Variants in MVP observed in about 807,000 individuals in gnomAD.
The protein encoded by MVP is major vault protein.
In MVP, 62 loss-of-function variants were observed where a neutral mutation model predicts 83.5. The observed-to-expected ratio is 0.74, with a 90% CI of 0.61 to 0.92. The LOEUF is 0.92. Among genes scored for constraint, MVP ranks in the 40% least tolerant of loss-of-function variants. MVP has a pLI of 0.00. For missense variants in MVP, 1,000 were observed against 1,203.4 expected (o/e 0.83, Z 2.50); for synonymous variants, 505 against 504.1 (o/e 1.00, Z -0.02).
Position 29,840,439 on chromosome 16 carries a change from C to G in MVP, c.1171C>G (p.Gln391Glu). ...AGACGAGAACGAGGGCATCTATGTG[C>G]AGGATGTCAAGACCGGAAAGGTAAT... ...PLDENEGIYV[Q>E]DVKTGKVRAV... Residue 391 changes from glutamine to glutamate, a missense_variant, in exon 8 of 15, where the codon CAG (glutamine) becomes GAG (glutamate). Gln to Glu is a conservative substitution (Grantham distance 29, BLOSUM62 2). Transcript: ENST00000357402. 1 of 1,574,360 alleles carries G rather than the reference C, an allele frequency of 6.4e-7. No individual in the cohort carries two copies. The highest frequency in any genetic ancestry group is 8.6e-7 in the Non-Finnish European group (1 of 1,160,022).
At chr16:29,831,616 G>T in intron 3 of MVP, 1 of 456,196 alleles carries the variant, frequency 2.2e-6, no homozygotes, top group Non-Finnish European at 4.4e-6. Context: ...TCTTTTCTGA[G>T]AACTGTTGGC....
At position 29,840,458 on chromosome 16, in the gene MVP, A is replaced by C; in HGVS notation, c.1190A>C (p.Lys397Thr). The C allele has an allele frequency of 6.4e-7, 1 of 1,566,330 alleles. No individual in the cohort carries two copies. The highest frequency in any genetic ancestry group is 8.7e-7 in the Non-Finnish European group (1 of 1,154,842). Residue 397 changes from lysine to threonine, a missense_variant and splice_region_variant, in exon 8 of 15, where the codon AAG (lysine) becomes ACG (threonine). Lys to Thr is a moderately conservative substitution (Grantham distance 78). Transcript: ENST00000357402. ...GIYVQDVKTG[K>T]VRAVIGSTYM... is the part of the protein sequence containing the mutation. ...TATGTGCAGGATGTCAAGACCGGAA[A>C]GGTAATGGCTGGGAGTGAGCAGCAG... is the stretch of plus-strand genomic sequence containing the variant.
intron 1 of MVP, among the ~76,000 whole-genome samples, chr16:29,828,531 C>T (rs1046789547): frequency 6.6e-6 from 1 of 152,080 alleles, no homozygotes; most frequent in Non-Finnish European, 1.5e-5. Context: ...AGGTACCCGC[C>T]ACCACAACTG....
chr16:29,840,707 C>G (rs1349825228), intron 8 of MVP, among the ~76,000 whole-genome samples: 2 of 152,028 alleles, frequency 1.3e-5, no homozygotes, highest in African/African-American at 4.8e-5. Flanking sequence ...TTTGGGAGGC[C>G]GAGGCGGGCG....
At chr16:29,831,981 C>A (rs2067447021) in intron 3 of MVP, among the ~76,000 whole-genome samples, 1 of 152,068 alleles carries the variant, frequency 6.6e-6, no homozygotes, top group South Asian at 2.1e-4. Context: ...GGGGTTTCAC[C>A]GTGTTAGCCA....
chr16:29,834,852 A>ATTTTTTTTTTTTTTTTTTTTTTT (rs60147985), intron 5 of MVP: 1 of 126,516 alleles, frequency 7.9e-6, no homozygotes, highest in Non-Finnish European at 1.6e-5. Flanking sequence ...TGCCCAGCTA[A>ATTTTTTTTTTTTTTTTTTTTTTT]TTTTTTTTTT....
At chr16:29,834,924 G>A (rs1488709311) in intron 5 of MVP, 2 of 146,082 alleles carry the variant, frequency 1.4e-5, no homozygotes, top group Admixed American at 1.4e-4. Flanking sequence ...TAGCCAGGGT[G>A]GTCTTGATCT....
rs1567391922 is a variant in MVP at position 29,836,707 on chromosome 16, C to T, written c.673-15C>T. The stretch of plus-strand genomic sequence containing the variant: ...GGAGGCAGGTCACTCAAATACCCAA[C>T]ATGTTGCTCTGCAGACAGCCCTGCA... On this transcript the variant is annotated splice_polypyrimidine_tract_variant and intron_variant, in intron 6 of 14. Coordinates refer to ENST00000357402, the MANE Select transcript of MVP (RefSeq NM_005115.5). The T allele has an allele frequency of 1.3e-6, 2 of 1,539,806 alleles. No individual in the cohort carries two copies. The highest frequency in any genetic ancestry group is 8.8e-7 in the Non-Finnish European group (1 of 1,137,906).
intron 12 of MVP, 31 bp from the exon 13 acceptor site, chr16:29,846,127 C>T (rs750401949): frequency 7.2e-5 from 115 of 1,601,724 alleles, no homozygotes; most frequent in Middle Eastern, 3.8e-4. Flanking sequence ...GGCTGTCTCC[C>T]GGGTCTTACC....
At chr16:29,835,666 G>A in intron 5 of MVP, 38 bp from the exon 6 acceptor site, 1 of 1,570,390 alleles carries the variant, frequency 6.4e-7, no homozygotes, top group Non-Finnish European at 8.7e-7. Flanking sequence ...GGAGCAGGCT[G>A]GGGGGCCCTT....
At chr16:29,836,267 C>CA (rs989574046) in intron 6 of MVP, among the ~76,000 whole-genome samples, 2,012 of 54,902 alleles carry the variant, frequency 0.037, 16 homozygotes, top group Middle Eastern at 0.069. Context: ...AACCCTGTCT[C>CA]AAAAAAAAAA....
chr16:29,840,024 C>T, intron 7 of MVP, 154 bp from the exon 8 acceptor site: 1 of 688,444 alleles, frequency 1.5e-6, no homozygotes, highest in South Asian at 2.1e-5. Context: ...ACAGTCCAGA[C>T]AGTGCCTCAC....
chr16:29,835,178 A>T (rs1238081063), intron 5 of MVP: 1 of 152,576 alleles, frequency 6.6e-6, no homozygotes, highest in Non-Finnish European at 1.5e-5. Context: ...GTTTTAGCAG[A>T]AGGACAAAAG....
chr16:29,840,147 C>A, intron 7 of MVP, 31 bp from the exon 8 acceptor site: 1 of 1,570,762 alleles, frequency 6.4e-7, no homozygotes, highest in South Asian at 1.2e-5. Flanking sequence ...ACCCTAAAGG[C>A]ACTGACCCTA....
intron 10 of MVP, among the ~76,000 whole-genome samples, 189 bp downstream of exon 10, chr16:29,842,301 T>G (rs1160051523): frequency 6.6e-6 from 1 of 151,974 alleles, no homozygotes; most frequent in Non-Finnish European, 1.5e-5. Context: ...TTTTTTGGTT[T>G]TTTGGTTTTT....
intron 10 of MVP, among the ~76,000 whole-genome samples, chr16:29,843,855 G>A (rs996358525): frequency 2.0e-5 from 3 of 152,242 alleles, no homozygotes; most frequent in Non-Finnish European, 4.4e-5. Context: ...AACCCAGATC[G>A]AGCCACTGCA....
chr16:29,835,530 G>T (rs1384007809), intron 5 of MVP, 174 bp from the exon 6 acceptor site: 2 of 464,842 alleles, frequency 4.3e-6, no homozygotes, highest in Non-Finnish European at 7.7e-6. Context: ...CTGGGGTGGG[G>T]GTTTGGCCTC....
chr16:29,831,157 T>C, intron 3 of MVP, 84 bp downstream of exon 3: 1 of 1,310,346 alleles, frequency 7.6e-7, no homozygotes, highest in Non-Finnish European at 1.0e-6. Flanking sequence ...TCTTCTTCTT[T>C]TTTTCTTTTC....
At chr16:29,827,195 G>A (rs1270940536) in intron 1 of MVP, among the ~76,000 whole-genome samples, 1 of 152,152 alleles carries the variant, frequency 6.6e-6, no homozygotes, top group Non-Finnish European at 1.5e-5. Flanking sequence ...CAAGCGAAGG[G>A]AAAGTAACTT....
Sources: allele counts gnomAD v4.1 joint callset (sites outside exome capture counted in the v4.1 genomes callset), GRCh38; gene constraint gnomAD v4.1.1; transcripts MANE v1.5; gene names NCBI Gene and HGNC (gene_info 2026-07-23, HGNC 2026-07-21).